SPAG16: variants seen among roughly 807,000 people sequenced by gnomAD.
SPAG16 encodes sperm-associated antigen 16 protein.
SPAG16 carries 86 observed loss-of-function variants against 80.4 expected under a neutral mutation model. That is an observed-to-expected ratio of 1.07 (90% CI 0.90 to 1.28). The LOEUF (loss-of-function observed/expected upper bound fraction) is 1.28, where lower values mean the gene tolerates loss of function less well. Ranked by LOEUF, SPAG16 falls within the 50% of genes most tolerant of loss-of-function variation. The pLI, the probability that SPAG16 is intolerant of heterozygous loss-of-function variation, is 0.00. For missense variants in SPAG16, 870 were observed against 765.3 expected (o/e 1.14, Z -1.61); for synonymous variants, 294 against 265.9 (o/e 1.11, Z -1.03).
At chr2:213,733,253 A>T (rs1383222902) in intron 10 of SPAG16, among the ~76,000 whole-genome samples, 3 of 150,810 alleles carry the variant, frequency 2.0e-5, no homozygotes, top group African/African-American at 2.4e-5. Context: ...AGTTCCTTAT[A>T]GATGCTGAAT....
chr2:213,547,328 A>G (rs1013602647), intron 10 of SPAG16, among the ~76,000 whole-genome samples: 6 of 152,276 alleles, frequency 3.9e-5, no homozygotes, highest in African/African-American at 1.4e-4. Flanking sequence ...GAGAAATAAT[A>G]TTAAATCCTT....
intron 9 of SPAG16, among the ~76,000 whole-genome samples, chr2:213,386,799 C>T (rs997157970): frequency 6.6e-6 from 1 of 152,114 alleles, no homozygotes; most frequent in Non-Finnish European, 1.5e-5. Flanking sequence ...TTTAGCCAAT[C>T]AGTGGATTAC....
chr2:213,533,442 T>C (rs1052073761), intron 10 of SPAG16, among the ~76,000 whole-genome samples: 1 of 152,158 alleles, frequency 6.6e-6, no homozygotes, highest in Non-Finnish European at 1.5e-5. Context: ...GTGAATACCT[T>C]CCTTGGGTTG....
intron 9 of SPAG16, among the ~76,000 whole-genome samples, chr2:213,427,020 C>T (rs542876109): frequency 5.9e-5 from 9 of 151,704 alleles, no homozygotes; most frequent in Admixed American, 2.0e-4. Context: ...AGGTTTATTT[C>T]GCCTTTTGCC....
intron 15 of SPAG16, among the ~76,000 whole-genome samples, chr2:214,263,817 A>AT (rs1349770253): frequency 6.6e-6 from 1 of 152,224 alleles, no homozygotes; most frequent in East Asian, 1.9e-4. Context: ...ACAGAGAGCA[A>AT]TAACACAGAT....
intron 11 of SPAG16, among the ~76,000 whole-genome samples, chr2:213,873,073 C>CA (rs1311241791): frequency 6.6e-6 from 1 of 152,002 alleles, no homozygotes; most frequent in African/African-American, 2.4e-5. Flanking sequence ...ACTGGCCTCA[C>CA]AGAATAAGTT....
At chr2:214,293,561 G>C (rs750112870) in intron 15 of SPAG16, among the ~76,000 whole-genome samples, 8 of 152,226 alleles carry the variant, frequency 5.3e-5, no homozygotes, top group Non-Finnish European at 1.2e-4. Flanking sequence ...GGCAGAGGCA[G>C]AATACTCCCC....
chr2:214,012,300 TTTTTTTTTTC>T (rs1464281812), intron 12 of SPAG16, among the ~76,000 whole-genome samples: 7 of 110,334 alleles, frequency 6.3e-5, no homozygotes, highest in African/African-American at 2.5e-4. Flanking sequence ...TTTTTTTTTT[TTTTTTTTTTC>T]CTCGAGAGGG....
intron 10 of SPAG16, among the ~76,000 whole-genome samples, chr2:213,749,134 G>A (rs1195723132): frequency 6.6e-6 from 1 of 152,078 alleles, no homozygotes; most frequent in African/African-American, 2.4e-5. Flanking sequence ...GTGACAGAGT[G>A]AGACTCTCAG....
chr2:213,438,961 G>T (rs879647918), intron 9 of SPAG16, among the ~76,000 whole-genome samples: 4 of 152,330 alleles, frequency 2.6e-5, no homozygotes, highest in Admixed American at 1.3e-4. Context: ...GGAGCTGATT[G>T]TTCCCTGGAT....
At chr2:214,288,752 C>CTTATTTTATTTAT (rs1553546072) in intron 15 of SPAG16, among the ~76,000 whole-genome samples, 2 of 141,532 alleles carry the variant, frequency 1.4e-5, no homozygotes, top group East Asian at 4.1e-4. Flanking sequence ...CCTTTGCCCA[C>CTTATTTTATTTAT]TTATTTATTT....
At chr2:213,727,245 TA>T (rs2066809142) in intron 10 of SPAG16, among the ~76,000 whole-genome samples, 1 of 152,172 alleles carries the variant, frequency 6.6e-6, no homozygotes. Flanking sequence ...CATTACAAAT[TA>T]AGTAGTAACT....
At chr2:213,366,462 G>C (rs1337122234) in intron 8 of SPAG16, among the ~76,000 whole-genome samples, 1 of 152,130 alleles carries the variant, frequency 6.6e-6, no homozygotes, top group Non-Finnish European at 1.5e-5. Context: ...CCACATAGCT[G>C]GGGAGGCCTC....
chr2:213,697,709 A>C (rs1383946221), intron 10 of SPAG16, among the ~76,000 whole-genome samples: 1 of 152,198 alleles, frequency 6.6e-6, no homozygotes, highest in Non-Finnish European at 1.5e-5. Flanking sequence ...TTGCAGCAGC[A>C]ATAGGAAATT....
At chr2:213,800,444 G>C (rs1048777810) in intron 10 of SPAG16, among the ~76,000 whole-genome samples, 4 of 150,934 alleles carry the variant, frequency 2.7e-5, no homozygotes, top group African/African-American at 9.7e-5. Flanking sequence ...ATAGCTCACT[G>C]TAATCTCAAA....
At chr2:213,735,221 AG>A (rs1220582160) in intron 10 of SPAG16, among the ~76,000 whole-genome samples, 2 of 152,180 alleles carry the variant, frequency 1.3e-5, no homozygotes, top group Non-Finnish European at 2.9e-5. Flanking sequence ...TGCTGGTTCT[AG>A]AGTCACATTA....
intron 12 of SPAG16, among the ~76,000 whole-genome samples, chr2:213,960,891 C>T (rs2044381880): frequency 6.6e-6 from 1 of 152,154 alleles, no homozygotes; most frequent in Admixed American, 6.5e-5. Context: ...TCTTTCTCTG[C>T]ACTTCTGTGA....
At chr2:213,765,033 A>G (rs2068857587) in intron 10 of SPAG16, among the ~76,000 whole-genome samples, 2 of 152,152 alleles carry the variant, frequency 1.3e-5, no homozygotes, top group African/African-American at 4.8e-5. Flanking sequence ...ACTGAATCAC[A>G]TGGAAAATAA....
chr2:214,059,329 T>C (rs1403424329), intron 13 of SPAG16, among the ~76,000 whole-genome samples: 5 of 149,630 alleles, frequency 3.3e-5, no homozygotes, highest in Non-Finnish European at 5.9e-5. Flanking sequence ...TGGTTGTCTT[T>C]TTTTTCAGTT....
Sources: gnomAD v4.1 joint callset for allele counts (sites outside exome capture counted in the v4.1 genomes callset) on GRCh38, gnomAD v4.1.1 for gene constraint, MANE v1.5 for transcripts, NCBI Gene and HGNC (gene_info 2026-07-23, HGNC 2026-07-21) for gene names.